Variants in RPS29 observed in about 807,000 individuals in gnomAD.
The protein encoded by RPS29 is ribosomal protein S29, also known as small ribosomal subunit protein uS14.
For missense variants in RPS29, 60 were observed against 75.7 expected (o/e 0.79, Z 0.77); for synonymous variants, 37 against 26.9 (o/e 1.37, Z -1.16).
At chr14:49,591,053 T>C (rs2139519607), upstream of RPS29, among the ~76,000 whole-genome samples, 1 of 152,302 alleles carries the variant, frequency 6.6e-6, no homozygotes, top group African/African-American at 2.4e-5. Flanking sequence ...AATAGTGTTA[T>C]GTGTTTGTCC....
exon 3 of RPS29, chr14:49,577,466 A>G (rs186201217): frequency 1.9e-4 from 83 of 447,210 alleles, no homozygotes; most frequent in African/African-American, 1.5e-3. Flanking sequence ...GCTCTTTCCA[A>G]GATGGCTTTG....
At chr14:49,582,085 A>G (rs1023491067), downstream of RPS29, among the ~76,000 whole-genome samples, 2 of 151,384 alleles carry the variant, frequency 1.3e-5, no homozygotes, top group South Asian at 4.2e-4. Flanking sequence ...AGCAAATATC[A>G]CTTGCCTAGA....
At chr14:49,582,579 A>G (rs1881372010), downstream of RPS29, among the ~76,000 whole-genome samples, 1 of 152,214 alleles carries the variant, frequency 6.6e-6, no homozygotes, top group African/African-American at 2.4e-5. Flanking sequence ...AGAAGTTTTC[A>G]TTCACTACAG....
chr14:49,584,085 G>GA (rs1317616037), intron 2 of RPS29, among the ~76,000 whole-genome samples: 1 of 152,158 alleles, frequency 6.6e-6, no homozygotes, highest in Non-Finnish European at 1.5e-5. Flanking sequence ...GGGTTCAAGC[G>GA]ATTCTCCCAC....
upstream of RPS29, among the ~76,000 whole-genome samples, chr14:49,589,879 T>C (rs1881675019): frequency 6.6e-6 from 1 of 152,236 alleles, no homozygotes; most frequent in Non-Finnish European, 1.5e-5. Context: ...AACAAGATCA[T>C]GTCCTGTGCA....
At chr14:49,579,569 T>C (rs1881279140), downstream of RPS29, among the ~76,000 whole-genome samples, 2 of 152,176 alleles carry the variant, frequency 1.3e-5, no homozygotes, top group South Asian at 4.1e-4. Context: ...GAATAGATCC[T>C]CTATGTTCCA....
chr14:49,595,364 C>G (rs1165188200), intron 1 of RPS29, among the ~76,000 whole-genome samples: 1 of 151,252 alleles, frequency 6.6e-6, no homozygotes, highest in South Asian at 2.1e-4. Flanking sequence ...GGCAGGAGGA[C>G]AGCTTGAGGT....
At chr14:49,584,433 C>G (rs368684643) in intron 2 of RPS29, among the ~76,000 whole-genome samples, 35 of 152,244 alleles carry the variant, frequency 2.3e-4, no homozygotes, top group African/African-American at 8.2e-4. Flanking sequence ...TTTAAACGTA[C>G]TTTCTCTGTC....
At chr14:49,577,922 G>A in intron 2 of RPS29, 1 of 1,104,980 alleles carries the variant, frequency 9.0e-7, no homozygotes. Context: ...CAATAAATTT[G>A]TACTGCATGC....
downstream of RPS29, among the ~76,000 whole-genome samples, chr14:49,581,503 G>C (rs1881332358): frequency 6.6e-6 from 1 of 152,150 alleles, no homozygotes; most frequent in African/African-American, 2.4e-5. Flanking sequence ...AAAATCCTTG[G>C]AGTCATTCTT....
chr14:49,590,305 G>A (rs2139518921), upstream of RPS29, among the ~76,000 whole-genome samples: 1 of 151,506 alleles, frequency 6.6e-6, no homozygotes, highest in East Asian at 1.9e-4. Flanking sequence ...GTGAAACCCG[G>A]TCTCCACTAA....
At chr14:49,590,418 G>A (rs1031576050), upstream of RPS29, among the ~76,000 whole-genome samples, 114 of 152,120 alleles carry the variant, frequency 7.5e-4, no homozygotes, top group Middle Eastern at 3.4e-3. Context: ...AGAGCTTGCA[G>A]TGAGCCGAGA....
At chr14:49,586,547 G>A, upstream of RPS29, 1 of 597,058 alleles carries the variant, frequency 1.7e-6, no homozygotes, top group South Asian at 1.9e-5. Context: ...CCATACCACA[G>A]CTTCTAGTGC....
At chr14:49,586,438 G>T, upstream of RPS29, 1 of 1,154,078 alleles carries the variant, frequency 8.7e-7, no homozygotes, top group Non-Finnish European at 1.3e-6. Flanking sequence ...AGAATGCAGT[G>T]CTCAAAGGAA....
intron 1 of RPS29, chr14:49,598,027 T>G: frequency 5.1e-6 from 1 of 196,098 alleles, no homozygotes. Context: ...CACTTCAGGT[T>G]CAACATGTAA....
At chr14:49,573,857 GTCA>G (rs951363293) in exon 3 of RPS29, 9 of 152,218 alleles carry the variant, frequency 5.9e-5, no homozygotes, top group African/African-American at 2.2e-4. Context: ...ATGCACAAGT[GTCA>G]TCATGAAATG....
intron 1 of RPS29, among the ~76,000 whole-genome samples, chr14:49,595,303 G>A (rs991159520): frequency 6.6e-6 from 1 of 152,044 alleles, no homozygotes; most frequent in African/African-American, 2.4e-5. Flanking sequence ...AATCTGATGT[G>A]GGTGGGGCAT....
intron 2 of RPS29, among the ~76,000 whole-genome samples, chr14:49,584,781 ACAT>A (rs1191473244): frequency 6.0e-5 from 9 of 151,154 alleles, no homozygotes; most frequent in Admixed American, 6.6e-5. Context: ...AAAAAAATTT[ACAT>A]CATTATAGAA....
exon 3 of RPS29, chr14:49,575,649 C>A (rs1454122534): frequency 1.3e-5 from 2 of 152,076 alleles, no homozygotes; most frequent in African/African-American, 2.4e-5. Context: ...GAGTTCCAGA[C>A]CAGCCTGAGC....
Sources: allele counts gnomAD v4.1 joint callset (sites outside exome capture counted in the v4.1 genomes callset), GRCh38; gene constraint gnomAD v4.1.1; transcripts MANE v1.5; gene names NCBI Gene and HGNC (gene_info 2026-07-23, HGNC 2026-07-21).